CEP112: variants seen among roughly 807,000 people sequenced by gnomAD.
CEP112 encodes centrosomal protein of 112 kDa.
In CEP112, 127 loss-of-function variants were observed where a neutral mutation model predicts 153.0. The observed-to-expected ratio is 0.83, with a 90% CI of 0.72 to 0.96. CEP112 has a LOEUF of 0.96. Among genes scored for constraint, CEP112 ranks in the 40% least tolerant of loss-of-function variants. The pLI is 0.00. For missense variants in CEP112, 1,089 were observed against 1,101.2 expected (o/e 0.99, Z 0.16); for synonymous variants, 358 against 374.4 (o/e 0.96, Z 0.51).
At chr17:66,152,697 CTCAA>C (rs1169859916) in intron 4 of CEP112, among the ~76,000 whole-genome samples, 2 of 152,176 alleles carry the variant, frequency 1.3e-5, no homozygotes, top group African/African-American at 4.8e-5. Flanking sequence ...GACAGATCCT[CTCAA>C]TCAAACAAGA....
At position 66,040,491 on chromosome 17, in the gene CEP112, T is replaced by G. The variant is rs916666996; in HGVS notation, c.1219-10468A>C. ...CATTCTGAATTGCCTTTTCCCTTTTTTTCTTTTTTTTTTTTTTTGAGACAG... is the reference window on the plus strand; with the variant it reads ...CATTCTGAATTGCCTTTTCCCTTTTGTTCTTTTTTTTTTTTTTTGAGACAG... On this transcript the variant is annotated intron_variant, in intron 12 of 26. Transcript: ENST00000535342. Among the ~76,000 whole-genome samples the G allele has an allele frequency of 2.3e-4, 11 of 47,698 alleles. No individual in the cohort carries two copies. The Admixed American group carries it at 3.4e-3, about 15-fold the overall frequency. The allele number at this position is 47,698 out of a possible 152,430, so 31.3% of individuals were successfully genotyped here. A position where few individuals can be genotyped will look rare whatever the true frequency, so the allele number is the denominator to read the frequency against.
At chr17:66,138,712 A>G (rs2070553078) in intron 4 of CEP112, among the ~76,000 whole-genome samples, 1 of 152,194 alleles carries the variant, frequency 6.6e-6, no homozygotes. Context: ...AAACATAAAA[A>G]AAAAGAATCA....
chr17:65,938,436 A>AT (rs36110310), intron 18 of CEP112, among the ~76,000 whole-genome samples: 1 of 150,746 alleles, frequency 6.6e-6, no homozygotes, highest in Non-Finnish European at 1.5e-5. Flanking sequence ...AAAAAAAGAA[A>AT]GAAAAAAAAA....
At chr17:66,082,156 G>A (rs1170585517) in intron 8 of CEP112, among the ~76,000 whole-genome samples, 1 of 152,078 alleles carries the variant, frequency 6.6e-6, no homozygotes, top group Non-Finnish European at 1.5e-5. Context: ...TTCTTGTTGT[G>A]TTGTCTGTTC....
chr17:65,755,850 A>G (rs918989752), intron 21 of CEP112, among the ~76,000 whole-genome samples: 2 of 152,166 alleles, frequency 1.3e-5, no homozygotes, highest in Admixed American at 1.3e-4. Context: ...TTAAATGTGC[A>G]GTATTGAAGT....
chr17:66,050,046 A>G (rs1466777482), intron 12 of CEP112, among the ~76,000 whole-genome samples: 1 of 152,206 alleles, frequency 6.6e-6, no homozygotes, highest in Non-Finnish European at 1.5e-5. Flanking sequence ...AAATAATGCC[A>G]AAAAGTCCAT....
rs78949075 is a variant in CEP112, at chr17:65,686,636, C to G, written c.2697+2493G>C. On this transcript the variant is annotated intron_variant, in intron 24 of 26. Coordinates refer to ENST00000535342, the MANE Select transcript of CEP112 (RefSeq NM_001199165.4). Reference sequence around the variant, plus strand: ...CAGTTGACCTTCAGTGACAATTAGACCTGCTGATTTGACATGAACAAATCC... The same window carrying G: ...CAGTTGACCTTCAGTGACAATTAGAGCTGCTGATTTGACATGAACAAATCC... Among the ~76,000 whole-genome samples the G allele has an allele frequency of 5.5e-3, 840 of 152,264 alleles. 9 individuals carry two copies. Among genetic ancestry groups the G allele is most frequent in the African/African-American group, 0.019 (788 of 41,548 alleles).
At chr17:65,816,776 TTGTTATCAGGATAA>T (rs2056293275) in intron 21 of CEP112, among the ~76,000 whole-genome samples, 1 of 152,010 alleles carries the variant, frequency 6.6e-6, no homozygotes, top group Non-Finnish European at 1.5e-5. Flanking sequence ...ATATCTAGTT[TTGTTATCAGGATAA>T]TGATAAGTTC....
intron 12 of CEP112, among the ~76,000 whole-genome samples, chr17:66,036,267 A>G (rs1037567849): frequency 6.6e-6 from 1 of 152,212 alleles, no homozygotes; most frequent in Non-Finnish European, 1.5e-5. Flanking sequence ...ACGCAAGACA[A>G]AAAAGTTTTA....
intron 25 of CEP112, among the ~76,000 whole-genome samples, chr17:65,637,458 C>T (rs151035043): frequency 4.6e-5 from 7 of 152,360 alleles, no homozygotes; most frequent in South Asian, 2.1e-4. Flanking sequence ...CCTGTCCTCA[C>T]GCCCTGCCCA....
At chr17:65,843,427 C>T (rs1006819855) in intron 21 of CEP112, among the ~76,000 whole-genome samples, 1 of 151,944 alleles carries the variant, frequency 6.6e-6, no homozygotes, top group Non-Finnish European at 1.5e-5. Flanking sequence ...GGATATAAAA[C>T]TTCACGTTTT....
intron 24 of CEP112, among the ~76,000 whole-genome samples, chr17:65,656,226 G>A (rs1288005729): frequency 6.6e-6 from 1 of 152,178 alleles, no homozygotes; most frequent in Non-Finnish European, 1.5e-5. Context: ...CCCCATTGAT[G>A]TCATTCTGGA....
At chr17:65,970,388 T>TGCACACATCATGCATGTAA (rs1568313749) in intron 17 of CEP112, among the ~76,000 whole-genome samples, 447 of 12,156 alleles carry the variant, frequency 0.037, 55 homozygotes, top group African/African-American at 0.13. Context: ...CATGCATATA[T>TGCACACATCATGCATGTAA]ATTACATGCA....
At chr17:65,713,145 C>T (rs16962650) in intron 23 of CEP112, among the ~76,000 whole-genome samples, 38,951 of 152,108 alleles carry the variant, frequency 0.26, 5,498 homozygotes, top group Middle Eastern at 0.41. Flanking sequence ...TACATGGCAA[C>T]TCAGGATTCT....
intron 12 of CEP112, among the ~76,000 whole-genome samples, chr17:66,039,960 C>G (rs2065900456): frequency 6.6e-6 from 1 of 152,072 alleles, no homozygotes; most frequent in Non-Finnish European, 1.5e-5. Context: ...TTTACCCATT[C>G]TATTGATGAG....
chr17:66,128,937 A>C (rs746976878), intron 6 of CEP112, among the ~76,000 whole-genome samples: 1 of 152,202 alleles, frequency 6.6e-6, no homozygotes, highest in Non-Finnish European at 1.5e-5. Flanking sequence ...CAAAATGTTA[A>C]CACAGGTCTC....
chr17:65,698,931 C>T (rs1042134928), intron 23 of CEP112, among the ~76,000 whole-genome samples: 2 of 152,166 alleles, frequency 1.3e-5, no homozygotes, highest in African/African-American at 4.8e-5. Flanking sequence ...ATTTAAATTT[C>T]GATTTTCTTA....
intron 20 of CEP112, among the ~76,000 whole-genome samples, chr17:65,885,991 A>G (rs759913000): frequency 5.9e-5 from 9 of 152,224 alleles, no homozygotes; most frequent in Non-Finnish European, 1.2e-4. Flanking sequence ...ATTGCTTTGT[A>G]CTGCTCAACT....
chr17:66,040,475 T>C (rs989701630), intron 12 of CEP112, among the ~76,000 whole-genome samples: 1 of 147,400 alleles, frequency 6.8e-6, no homozygotes, highest in African/African-American at 2.5e-5. Context: ...CCATTCTGAA[T>C]TGCCTTTTCC....
Sources: allele counts gnomAD v4.1 joint callset (sites outside exome capture counted in the v4.1 genomes callset), GRCh38; gene constraint gnomAD v4.1.1; transcripts MANE v1.5; gene names NCBI Gene and HGNC (gene_info 2026-07-23, HGNC 2026-07-21).